Variants in SYCP2L observed in about 807,000 individuals in gnomAD.
SYCP2L encodes the protein synaptonemal complex protein 2-like.
Under a neutral mutation model 125.8 loss-of-function variants are expected in SYCP2L, and 98 were observed. The observed-to-expected ratio is 0.78, with a 90% CI of 0.66 to 0.92. The LOEUF (loss-of-function observed/expected upper bound fraction) is 0.92. SYCP2L is among the 40% of genes least tolerant of loss of function. The probability of loss-of-function intolerance (pLI) is 0.00; values close to 1 mark genes in which losing one functional copy is unlikely to be tolerated. For synonymous variants in SYCP2L, 317 were observed against 325.4 expected (o/e 0.97, Z 0.28); for missense variants, 842 against 936.4 (o/e 0.90, Z 1.32).
At chr6:10,952,584 G>GAAA (rs5874297) in intron 23 of SYCP2L, among the ~76,000 whole-genome samples, 3 of 144,228 alleles carry the variant, frequency 2.1e-5, no homozygotes, top group African/African-American at 5.1e-5. Flanking sequence ...TTGCCACCAA[G>GAAA]AAAAAAAAAA....
chr6:10,896,692 C>A (rs1048795298), intron 4 of SYCP2L, among the ~76,000 whole-genome samples: 7 of 152,190 alleles, frequency 4.6e-5, no homozygotes, highest in African/African-American at 1.7e-4. Context: ...ATAGTAATGG[C>A]TTTCAAACCT....
rs536675719 is a variant in SYCP2L at position 10,961,194 on chromosome 6, A to C, written c.2256-111A>C. 70 of 825,012 alleles carry C rather than the reference A, an allele frequency of 8.5e-5. No homozygotes were observed. In the African/African-American group the frequency reaches 9.1e-4, roughly 11 times the overall value. The allele number at this position is 825,012 out of a possible 1,614,324, so 51.1% of individuals were successfully genotyped here. A position where few individuals can be genotyped will look rare whatever the true frequency, so the allele number is the denominator to read the frequency against. Reference sequence around the variant, plus strand: ...AGATACTACATGTTCCCATGACAAGAAATGTCTGGAGAAGAGTCTGAAGTA... The same window carrying C: ...AGATACTACATGTTCCCATGACAAGCAATGTCTGGAGAAGAGTCTGAAGTA... On this transcript the variant is annotated intron_variant, in intron 26 of 29. Coordinates refer to ENST00000283141, the MANE Select transcript of SYCP2L (RefSeq NM_001040274.3).
chr6:10,904,337 T>C (rs577404221), intron 8 of SYCP2L, among the ~76,000 whole-genome samples: 1 of 152,216 alleles, frequency 6.6e-6, no homozygotes. Flanking sequence ...AACCCACGAC[T>C]GCGCTAACAA....
chr6:10,942,675 A>AG lies in SYCP2L; in HGVS notation c.1885-1dup. ...TAATTTGTGGTCTGTTTTGTTTTTA[A>AG]GATTGTGAACCAAGAATCACTAACA... On this transcript the variant is annotated splice_acceptor_variant, in intron 22 of 29. Coordinates refer to ENST00000283141, the MANE Select transcript of SYCP2L (RefSeq NM_001040274.3). LOFTEE classifies it high-confidence loss of function. The AG allele has an allele frequency of 6.2e-7, 1 of 1,613,546 alleles. No individual in the cohort carries two copies. Among genetic ancestry groups the AG allele is most frequent in the Non-Finnish European group, 8.5e-7 (1 of 1,179,816 alleles).
chr6:10,948,990 T>C (rs1271437577), intron 23 of SYCP2L, among the ~76,000 whole-genome samples: 1 of 152,256 alleles, frequency 6.6e-6, no homozygotes, highest in East Asian at 1.9e-4. Context: ...TTAATCATTG[T>C]AGTTGTTTCC....
intron 29 of SYCP2L, among the ~76,000 whole-genome samples, chr6:10,965,784 A>T: frequency 6.6e-6 from 1 of 152,168 alleles, no homozygotes; most frequent in East Asian, 1.9e-4. Context: ...TGCAACAAAA[A>T]TTGCAAAGAG....
At chr6:10,943,340 T>C (rs1220774294) in intron 23 of SYCP2L, among the ~76,000 whole-genome samples, 1 of 152,230 alleles carries the variant, frequency 6.6e-6, no homozygotes, top group African/African-American at 2.4e-5. Context: ...GTTATAAATA[T>C]GTGTAGGATA....
Position 10,912,245 on chromosome 6 carries a change from G to T in SYCP2L, c.919-428G>T, listed in dbSNP as rs372497683. On this transcript the variant is annotated intron_variant, in intron 12 of 29. Transcript: ENST00000283141. The surrounding 1 kb of genome is among the most constrained non-coding windows in gnomAD (Gnocchi z 4.1). ...AATGAAGGAAATTTGAAGTCTTCAA[G>T]TCTTAGCTGTACTCTAATGGTTGGA... Among the ~76,000 whole-genome samples, 4 of 152,110 alleles carry T rather than the reference G, an allele frequency of 2.6e-5. No individual in the cohort carries two copies. In the East Asian group the frequency reaches 7.7e-4, roughly 29 times the overall value.
Position 10,898,030 on chromosome 6 carries a change from G to A in SYCP2L, c.356G>A (p.Arg119Lys), listed in dbSNP as rs777634406. The change falls in exon 5 of 30, where the codon AGA (arginine) becomes AAA (lysine). Residue 119 changes from arginine to lysine, a missense_variant. Coordinates refer to ENST00000283141, the MANE Select transcript of SYCP2L (RefSeq NM_001040274.3). Reference sequence around the variant, plus strand: ...GTGTACCTAGTTTCCTGGTTTGAAAGAACAACAGGAATTCTGACCTCGGAA... The same window carrying A: ...GTGTACCTAGTTTCCTGGTTTGAAAAAACAACAGGAATTCTGACCTCGGAA... ...LIPKLVSWFE[R>K]TTGILTSEGL... is the part of the protein sequence containing the mutation. The A allele has an allele frequency of 1.9e-6, 3 of 1,613,910 alleles. No individual in the cohort carries two copies. The highest frequency in any genetic ancestry group is 2.2e-5 in the South Asian group (2 of 91,076).
At chr6:10,942,852 C>A (rs1781248560) in intron 23 of SYCP2L, 106 bp downstream of exon 23, 12 of 1,005,354 alleles carry the variant, frequency 1.2e-5, no homozygotes, top group Non-Finnish European at 1.7e-5. Context: ...TCACTTTGCA[C>A]AGTGACTATT....
At position 10,912,919 on chromosome 6, in the gene SYCP2L, G is replaced by C; in HGVS notation, c.1064G>C (p.Ser355Thr). Reference sequence around the variant, plus strand: ...CCGAAGGAAGCGGTGATGAATTTCAGCATAACAGGTAATATGATACATTTA... The same window carrying C: ...CCGAAGGAAGCGGTGATGAATTTCACCATAACAGGTAATATGATACATTTA... Reference protein sequence around the residue: ...TLPKEAVMNFSITETEKIKIF... With the variant: ...TLPKEAVMNFTITETEKIKIF... Residue 355 changes from serine to threonine, a missense_variant, in exon 14 of 30, where the codon AGC (serine) becomes ACC (threonine). Physicochemically the swap from Ser to Thr is moderately conservative, Grantham distance 58. Coordinates refer to ENST00000283141, the MANE Select transcript of SYCP2L (RefSeq NM_001040274.3). The surrounding 1 kb of genome is among the most constrained non-coding windows in gnomAD (Gnocchi z 4.1). 5 of 1,613,554 alleles carry C rather than the reference G, an allele frequency of 3.1e-6. No individual in the cohort carries two copies. The highest frequency in any genetic ancestry group is 4.2e-6 in the Non-Finnish European group (5 of 1,179,922).
At chr6:10,918,726 G>A (rs1260436919) in intron 14 of SYCP2L, among the ~76,000 whole-genome samples, 5 of 151,736 alleles carry the variant, frequency 3.3e-5, no homozygotes, top group African/African-American at 9.7e-5. Context: ...TAGTAGAGAC[G>A]GGTTTCACCA....
At position 10,898,066 on chromosome 6, in the gene SYCP2L, C is replaced by G. The variant is rs1017274062; in HGVS notation, c.392C>G (p.Ser131Ter). The G allele has an allele frequency of 1.2e-6, 2 of 1,614,056 alleles. No individual in the cohort carries two copies. The highest frequency in any genetic ancestry group is 1.7e-6 in the Non-Finnish European group (2 of 1,180,006). Reference protein sequence around the residue: ...TGILTSEGLASDTSLICVIED... With the variant: ...TGILTSEGLA ...ATTCTGACCTCGGAAGGCCTAGCCT[C>G]AGACACGTCGCTGATTTGTGTTATA... The change falls in exon 5 of 30, where the codon TCA becomes TGA. Residue 131 changes from serine to a stop codon, truncating the protein, a stop_gained. Transcript: ENST00000283141. LOFTEE classifies it high-confidence loss of function.
At position 10,961,365 on chromosome 6, in the gene SYCP2L, G is replaced by C; in HGVS notation, c.2316G>C (p.Gln772His). 1 of 1,614,174 alleles carries C rather than the reference G, an allele frequency of 6.2e-7. No individual in the cohort carries two copies. Among genetic ancestry groups the C allele is most frequent in the African/African-American group, 1.3e-5 (1 of 75,046 alleles). Residue 772 changes from glutamine (Q) to histidine (H), a missense_variant, in exon 27 of 30, where the codon CAG becomes CAC. Transcript: ENST00000283141. ...TTCAAGAGTTGAGCAGTCTTAAGCA[G>C]GATATTCAGGCCCTGGAACACCTTG... ...LVLQELSSLK[Q>H]DIQALEHLEK...
intron 8 of SYCP2L, among the ~76,000 whole-genome samples, chr6:10,904,713 C>G (rs994883619): frequency 6.6e-6 from 1 of 152,132 alleles, no homozygotes; most frequent in Non-Finnish European, 1.5e-5. Context: ...GAATTAATTT[C>G]GCTCAGTGGT....
intron 16 of SYCP2L, 39 bp downstream of exon 16, chr6:10,926,471 C>A: frequency 1.3e-6 from 2 of 1,516,874 alleles, no homozygotes; most frequent in East Asian, 2.3e-5. Flanking sequence ...CCTGAGTTTT[C>A]TGTAAAAGCG....
chr6:10,956,166 T>C lies in SYCP2L; in HGVS notation c.2087T>C (p.Val696Ala). The change falls in exon 25 of 30, where the codon GTG (valine) becomes GCG (alanine). Residue 696 changes from valine (V) to alanine (A), a missense_variant. Physicochemically the swap from Val to Ala is moderately conservative, Grantham distance 64 (BLOSUM62 0). Transcript: ENST00000283141. ...EGISTSSLEV[V>A]PENLNGSAIL... ...ATTTCCACTTCATCCCTAGAAGTTG[T>C]GCCAGAGAACTTGAACGGTTCTGCC... 1 of 1,613,994 alleles carries C rather than the reference T, an allele frequency of 6.2e-7. No homozygotes were observed.
At chr6:10,931,056 A>T (rs1265860893) in intron 19 of SYCP2L, among the ~76,000 whole-genome samples, 1 of 152,168 alleles carries the variant, frequency 6.6e-6, no homozygotes, top group African/African-American at 2.4e-5. Context: ...CTGTGGTCCC[A>T]GCTACTGGGG....
intron 21 of SYCP2L, among the ~76,000 whole-genome samples, chr6:10,939,365 G>GA (rs1290364014): frequency 3.3e-5 from 5 of 152,066 alleles, no homozygotes; most frequent in Admixed American, 3.3e-4. Context: ...CACAGAAATA[G>GA]AAAAAACTAT....
Sources: allele counts gnomAD v4.1 joint callset (sites outside exome capture counted in the v4.1 genomes callset), GRCh38; gene constraint gnomAD v4.1.1; non-coding constraint Gnocchi (gnomAD v3.1); transcripts MANE v1.5; gene names NCBI Gene and HGNC (gene_info 2026-07-23, HGNC 2026-07-21).